PDE4D: variants seen among roughly 807,000 people sequenced by gnomAD.
PDE4D encodes the protein 3',5'-cyclic-AMP phosphodiesterase 4D.
In PDE4D, 24 loss-of-function variants were observed where a neutral mutation model predicts 87.4. The ratio of observed to expected loss-of-function variants is 0.27; its 90% CI spans 0.20 to 0.39. The LOEUF (loss-of-function observed/expected upper bound fraction) is 0.39, where lower values mean the gene tolerates loss of function less well. Among genes scored for constraint, PDE4D ranks in the 10% least tolerant of loss-of-function variants. The pLI, the probability that PDE4D is intolerant of heterozygous loss-of-function variation, is 1.00. For synonymous variants in PDE4D, 384 were observed against 383.2 expected (o/e 1.00, Z -0.02); for missense variants, 714 against 1,041.0 (o/e 0.69, Z 4.32).
At chr5:59,393,240 A>T (rs887294080) in intron 1 of PDE4D, among the ~76,000 whole-genome samples, 1 of 152,184 alleles carries the variant, frequency 6.6e-6, no homozygotes, top group African/African-American at 2.4e-5. Context: ...TTGACAACAA[A>T]AAAAGGACTT....
In PDE4D at chr5:60,011,008, G is replaced by A. The variant is rs144306689; in HGVS notation, c.43-22291C>T. Among the ~76,000 whole-genome samples the A allele has an allele frequency of 9.3e-4, 141 of 152,278 alleles. 1 individual carries two copies. The highest frequency in any genetic ancestry group is 3.2e-3 in the African/African-American group (132 of 41,578). ...TCACAGGAGAAATTTATCTCAACCT[G>A]CACTGTTTCTCAGGAGAGGACTGAT... On this transcript the variant is annotated intron_variant, in intron 2 of 16. Transcript: ENST00000502484.
intron 1 of PDE4D, among the ~76,000 whole-genome samples, chr5:59,358,342 C>T (rs35280): frequency 0.77 from 117,825 of 152,114 alleles, 46,239 homozygotes; most frequent in African/African-American, 0.88. Context: ...ACACATTCTC[C>T]CTGAATCAAC....
intron 1 of PDE4D, among the ~76,000 whole-genome samples, chr5:59,231,455 C>T (rs1220899148): frequency 6.6e-6 from 1 of 152,124 alleles, no homozygotes; most frequent in African/African-American, 2.4e-5. Flanking sequence ...TTTCTGCCAG[C>T]TGGATGCTAA....
chr5:59,683,711 T>A (rs1047219286), intron 1 of PDE4D, among the ~76,000 whole-genome samples: 2 of 152,210 alleles, frequency 1.3e-5, no homozygotes, highest in Non-Finnish European at 2.9e-5. Flanking sequence ...TATATTTTTA[T>A]CTTCTTTTAT....
At chr5:59,824,377 T>G (rs1269997518) in intron 1 of PDE4D, among the ~76,000 whole-genome samples, 1 of 152,186 alleles carries the variant, frequency 6.6e-6, no homozygotes, top group Non-Finnish European at 1.5e-5. Flanking sequence ...ACCACTGTAC[T>G]GCTAGTGAAG....
intron 1 of PDE4D, among the ~76,000 whole-genome samples, chr5:60,312,420 T>C (rs1755131637): frequency 6.6e-6 from 1 of 152,156 alleles, no homozygotes; most frequent in East Asian, 1.9e-4. Flanking sequence ...TGAAGAAATA[T>C]CTGAGACTGG....
intron 3 of PDE4D, among the ~76,000 whole-genome samples, chr5:59,910,371 T>C (rs988936865): frequency 1.3e-5 from 2 of 152,212 alleles, no homozygotes; most frequent in African/African-American, 4.8e-5. Flanking sequence ...GTTGATATGG[T>C]TCATTGTTTC....
intron 1 of PDE4D, among the ~76,000 whole-genome samples, chr5:59,793,976 C>G (rs1454256682): frequency 6.6e-6 from 1 of 152,102 alleles, no homozygotes; most frequent in African/African-American, 2.4e-5. Flanking sequence ...CAGGACGTTA[C>G]CATGTGGTAT....
At chr5:60,143,603 TTGTGTGTGTG>T (rs34236719) in intron 2 of PDE4D, among the ~76,000 whole-genome samples, 1,309 of 117,746 alleles carry the variant, frequency 0.011, 22 homozygotes, top group African/African-American at 0.041. Flanking sequence ...AGCTTGGGAA[TTGTGTGTGTG>T]TGTGTGTGTG....
chr5:59,163,870 T>G (rs1781520858), intron 5 of PDE4D, among the ~76,000 whole-genome samples: 4 of 152,338 alleles, frequency 2.6e-5, no homozygotes, highest in African/African-American at 9.6e-5. Flanking sequence ...GTTTTTAATT[T>G]TTTTGCCCCA....
intron 5 of PDE4D, among the ~76,000 whole-genome samples, chr5:59,087,419 A>C (rs1767908212): frequency 6.6e-6 from 1 of 152,040 alleles, no homozygotes; most frequent in Non-Finnish European, 1.5e-5. Flanking sequence ...CTGGGAGGTC[A>C]AGGCTGCAAT....
intron 1 of PDE4D, among the ~76,000 whole-genome samples, chr5:59,705,382 G>A (rs995735485): frequency 6.6e-6 from 1 of 152,086 alleles, no homozygotes; most frequent in Non-Finnish European, 1.5e-5. Context: ...CAGCAGGAAG[G>A]CAATTGTAAA....
rs1302528439 is a variant in PDE4D, at chr5:60,375,865, C to T, written c.-90+112077G>A. On this transcript the variant is annotated intron_variant, in intron 1 of 16. Transcript: ENST00000502484. The stretch of plus-strand genomic sequence containing the variant: ...ACCATCCTGGCCAACATGGTGAAAC[C>T]TCATCTCTACTAAAAATACAACAAT... 2.6e-5 allele frequency among the ~76,000 whole-genome samples: 4 copies of T among 152,158 alleles called. No homozygotes were observed. In the East Asian group the frequency reaches 7.7e-4, roughly 29 times the overall value.
chr5:60,479,082 TAA>T (rs1345486971), intron 1 of PDE4D, among the ~76,000 whole-genome samples: 1 of 152,156 alleles, frequency 6.6e-6, no homozygotes, highest in African/African-American at 2.4e-5. Flanking sequence ...ATAAAGTGAC[TAA>T]GTCAGGATTC....
At chr5:60,326,000 G>T (rs1268367465) in intron 1 of PDE4D, among the ~76,000 whole-genome samples, 2 of 152,058 alleles carry the variant, frequency 1.3e-5, no homozygotes, top group Non-Finnish European at 2.9e-5. Context: ...TCAGTAGTTT[G>T]TTTCTTTTAT....
chr5:60,325,015 G>A (rs1439362978), intron 1 of PDE4D, among the ~76,000 whole-genome samples: 1 of 152,194 alleles, frequency 6.6e-6, no homozygotes. Flanking sequence ...AGAACATGGT[G>A]AGGCTCCCCA....
At position 59,377,347 on chromosome 5, in the gene PDE4D, G is replaced by A. The variant is rs573796617; in HGVS notation, c.456-161379C>T. 2.3e-4 allele frequency among the ~76,000 whole-genome samples: 35 copies of A among 151,950 alleles called. No individual in the cohort carries two copies. The South Asian group carries it at 6.0e-3, about 26-fold the overall frequency. ...TAGGAGAACGGCGTGAACCCAGGAG[G>A]AGGAGGTTGCAGTGAGCTGAGATCA... is the stretch of plus-strand genomic sequence containing the variant. On this transcript the variant is annotated intron_variant, in intron 1 of 14. Transcript: ENST00000340635.
chr5:59,045,272 G>A (rs944265178), intron 5 of PDE4D, among the ~76,000 whole-genome samples: 12 of 152,126 alleles, frequency 7.9e-5, no homozygotes, highest in South Asian at 2.1e-4. Context: ...TGTCTGTGTC[G>A]GCCAGGCGTG....
chr5:59,309,918 G>C (rs887767571), intron 1 of PDE4D, among the ~76,000 whole-genome samples: 13 of 152,128 alleles, frequency 8.5e-5, no homozygotes, highest in African/African-American at 3.1e-4. Flanking sequence ...AAGACCCTCT[G>C]TGCCTTGCCA....
Sources: gnomAD v4.1 joint callset for allele counts (sites outside exome capture counted in the v4.1 genomes callset) on GRCh38, gnomAD v4.1.1 for gene constraint, MANE v1.5 for transcripts, NCBI Gene and HGNC (gene_info 2026-07-23, HGNC 2026-07-21) for gene names.